The following SGCZ variants were observed in gnomAD, a reference collection of about 807,000 sequenced individuals.
The protein encoded by SGCZ is zeta-sarcoglycan.
Under a neutral mutation model 41.3 loss-of-function variants are expected in SGCZ, and 40 were observed. The ratio of observed to expected loss-of-function variants is 0.97; its 90% CI spans 0.75 to 1.26. SGCZ has a LOEUF of 1.26. SGCZ is among the 50% of genes most tolerant of loss of function. SGCZ has a pLI of 0.00. For missense variants in SGCZ, 552 were observed against 369.8 expected (o/e 1.49, Z -4.04); for synonymous variants, 206 against 137.5 (o/e 1.50, Z -3.49).
chr8:14,735,558 C>A (rs1267884657), intron 1 of SGCZ, among the ~76,000 whole-genome samples: 1 of 152,138 alleles, frequency 6.6e-6, no homozygotes, highest in Admixed American at 6.6e-5. Flanking sequence ...CTGATGCCTG[C>A]ACTATTGGCT....
chr8:14,705,510 C>T (rs962905225), intron 1 of SGCZ, among the ~76,000 whole-genome samples: 1 of 152,058 alleles, frequency 6.6e-6, no homozygotes, highest in Non-Finnish European at 1.5e-5. Context: ...TACTGCATTG[C>T]AAACCTTGTC....
intron 4 of SGCZ, among the ~76,000 whole-genome samples, chr8:14,221,056 T>A (rs1806176167): frequency 6.6e-6 from 1 of 151,806 alleles, no homozygotes; most frequent in African/African-American, 2.4e-5. Flanking sequence ...TAGAGGTAAC[T>A]CATGAAATAC....
chr8:14,398,015 G>T (rs1156642497), intron 2 of SGCZ, among the ~76,000 whole-genome samples: 1 of 152,036 alleles, frequency 6.6e-6, no homozygotes, highest in Non-Finnish European at 1.5e-5. Flanking sequence ...TTAAGTTAAT[G>T]GTTCAGACCA....
intron 1 of SGCZ, among the ~76,000 whole-genome samples, chr8:14,905,437 CGAGA>C (rs759981804): frequency 6.6e-6 from 1 of 151,616 alleles, no homozygotes; most frequent in Non-Finnish European, 1.5e-5. Context: ...ATACTAAGTC[CGAGA>C]GAGAGAGACT....
intron 1 of SGCZ, among the ~76,000 whole-genome samples, chr8:14,845,446 C>T (rs1204962586): frequency 6.6e-6 from 1 of 152,096 alleles, no homozygotes; most frequent in African/African-American, 2.4e-5. Flanking sequence ...GAAAACTAAT[C>T]CAATATTATC....
chr8:14,146,884 T>TA (rs1278922368), intron 5 of SGCZ, among the ~76,000 whole-genome samples: 10 of 115,818 alleles, frequency 8.6e-5, no homozygotes, highest in African/African-American at 3.4e-4. Flanking sequence ...AAAATAAAAA[T>TA]AAAAAAAATA....
intron 2 of SGCZ, among the ~76,000 whole-genome samples, chr8:14,360,842 T>A (rs532959024): frequency 1.9e-4 from 29 of 152,262 alleles, no homozygotes; most frequent in Non-Finnish European, 3.7e-4. Flanking sequence ...TGTTTAGTAT[T>A]TTTTGAGAAA....
intron 2 of SGCZ, among the ~76,000 whole-genome samples, chr8:14,363,218 A>C (rs1803589459): frequency 1.3e-5 from 2 of 152,164 alleles, no homozygotes; most frequent in African/African-American, 4.8e-5. Flanking sequence ...TGACACTTTG[A>C]AATACATGAG....
intron 1 of SGCZ, among the ~76,000 whole-genome samples, chr8:15,060,399 C>G (rs889397151): frequency 6.6e-6 from 1 of 151,550 alleles, no homozygotes; most frequent in Non-Finnish European, 1.5e-5. Flanking sequence ...AACCATCATT[C>G]TCAGCAAACT....
chr8:15,036,340 T>A (rs10888100), intron 1 of SGCZ, among the ~76,000 whole-genome samples: 1 of 151,824 alleles, frequency 6.6e-6, no homozygotes, highest in Non-Finnish European at 1.5e-5. Flanking sequence ...GAATCAGTAA[T>A]AAAATGTCTC....
chr8:15,172,163 T>TTATTTATTTATTTTATTTTATTTTA (rs796278887), intron 1 of SGCZ, among the ~76,000 whole-genome samples: 1,664 of 116,484 alleles, frequency 0.014, 37 homozygotes, highest in African/African-American at 0.049. Context: ...TGTTTTTTTT[T>TTATTTATTTATTTTATTTTATTTTA]TTTTTTTTTT....
chr8:14,853,123 T>C (rs1351498010), intron 1 of SGCZ, among the ~76,000 whole-genome samples: 2 of 152,202 alleles, frequency 1.3e-5, no homozygotes, highest in Non-Finnish European at 2.9e-5. Flanking sequence ...AAAGCATGCA[T>C]ATAAAACTTG....
At chr8:15,158,606 T>TA (rs1259396751) in intron 1 of SGCZ, among the ~76,000 whole-genome samples, 1 of 152,258 alleles carries the variant, frequency 6.6e-6, no homozygotes, top group African/African-American at 2.4e-5. Context: ...TCTTCTTATT[T>TA]AGAAATTCAT....
At chr8:15,125,523 A>T (rs1156387726) in intron 1 of SGCZ, among the ~76,000 whole-genome samples, 3 of 152,186 alleles carry the variant, frequency 2.0e-5, no homozygotes, top group Non-Finnish European at 4.4e-5. Context: ...GCTTCTAATT[A>T]TCTTACTTAC....
chr8:14,204,008 A>G (rs1805538266), intron 4 of SGCZ, among the ~76,000 whole-genome samples: 1 of 152,016 alleles, frequency 6.6e-6, no homozygotes, highest in Admixed American at 6.6e-5. Context: ...AAAGAATAAT[A>G]TTCATAAATA....
intron 1 of SGCZ, among the ~76,000 whole-genome samples, chr8:14,651,973 G>A (rs909814683): frequency 2.6e-4 from 39 of 151,886 alleles, no homozygotes; most frequent in African/African-American, 8.5e-4. Context: ...CAAAAAAAAC[G>A]GGTCTCCTAC....
chr8:14,313,833 G>A (rs1801624786), intron 3 of SGCZ, among the ~76,000 whole-genome samples: 1 of 151,802 alleles, frequency 6.6e-6, no homozygotes. Context: ...TGTGCTTCCT[G>A]TTTATTCTAG....
chr8:14,495,049 C>A (rs1000756474), intron 2 of SGCZ, among the ~76,000 whole-genome samples: 7 of 152,034 alleles, frequency 4.6e-5, no homozygotes. Flanking sequence ...GAACATGCTC[C>A]CCAGTTGATT....
At chr8:14,724,202 T>A (rs1460821071) in intron 1 of SGCZ, among the ~76,000 whole-genome samples, 3 of 152,136 alleles carry the variant, frequency 2.0e-5, no homozygotes, top group Admixed American at 2.0e-4. Context: ...AATGTTGTGT[T>A]CTGCTGTACT....
Sources: allele counts gnomAD v4.1 joint callset (sites outside exome capture counted in the v4.1 genomes callset), GRCh38; gene constraint gnomAD v4.1.1; transcripts MANE v1.5; gene names NCBI Gene and HGNC (gene_info 2026-07-23, HGNC 2026-07-21).